MARCHF8: variants seen among roughly 807,000 people sequenced by gnomAD.
MARCHF8 encodes the protein membrane associated ring-CH-type finger 8.
Under a neutral mutation model 51.6 loss-of-function variants are expected in MARCHF8, and 40 were observed. The ratio of observed to expected loss-of-function variants is 0.77; its 90% CI spans 0.60 to 1.01. MARCHF8 has a LOEUF of 1.01. Among genes scored for constraint, MARCHF8 ranks in the 50% least tolerant of loss-of-function variants. The probability of loss-of-function intolerance (pLI) is 0.00; values close to 1 mark genes in which losing one functional copy is unlikely to be tolerated. For missense variants in MARCHF8, 685 were observed against 708.6 expected, an observed-to-expected ratio of 0.97 and a Z score of 0.38; for synonymous variants, 263 against 280.3, an observed-to-expected ratio of 0.94 and a Z score of 0.62.
intron 1 of MARCHF8, among the ~76,000 whole-genome samples, chr10:45,577,986 C>T (rs1373613552): frequency 6.6e-6 from 1 of 152,158 alleles, no homozygotes; most frequent in Non-Finnish European, 1.5e-5. Context: ...CATACCACTG[C>T]ATTCCAGCCT....
chr10:45,515,510 C>T (rs2043603098), intron 2 of MARCHF8, among the ~76,000 whole-genome samples: 1 of 152,288 alleles, frequency 6.6e-6, no homozygotes, highest in East Asian at 1.9e-4. Context: ...CTTCTTTTCA[C>T]CTATTTTATC....
rs1468021954 is a variant in MARCHF8, at chr10:45,457,400, C to T, written c.*839G>A. The stretch of plus-strand genomic sequence containing the variant: ...GAATCATGCTTTAATTGCCATTTAG[C>T]ATCCACTAATTCCCATGAGATCTGT... On this transcript the variant is annotated 3_prime_UTR_variant, in exon 8 of 8. Transcript: ENST00000453424. 3 of 152,208 alleles carry T rather than the reference C, an allele frequency of 2.0e-5. No individual in the cohort carries two copies. The highest frequency in any genetic ancestry group is 4.4e-5 in the Non-Finnish European group (3 of 68,032). The allele number at this position is 152,208 out of a possible 1,614,324, so 9.4% of individuals were successfully genotyped here.
At chr10:45,590,323 T>C in intron 1 of MARCHF8, among the ~76,000 whole-genome samples, 2 of 152,342 alleles carry the variant, frequency 1.3e-5, no homozygotes, top group Middle Eastern at 3.4e-3. Context: ...TTTTTATGAC[T>C]GAGGTATAAG....
intron 2 of MARCHF8, among the ~76,000 whole-genome samples, chr10:45,490,735 C>CT (rs1305426149): frequency 1.3e-5 from 2 of 152,144 alleles, no homozygotes; most frequent in African/African-American, 4.8e-5. Context: ...AAACTATTGC[C>CT]TAAGGAAGAG....
chr10:45,555,565 C>A (rs1166481357), intron 1 of MARCHF8, among the ~76,000 whole-genome samples: 1 of 151,768 alleles, frequency 6.6e-6, no homozygotes, highest in African/African-American at 2.4e-5. Flanking sequence ...CAGTGAGATC[C>A]CATCTCTCCA....
At chr10:45,473,562 T>C (rs2042733037) in intron 3 of MARCHF8, among the ~76,000 whole-genome samples, 1 of 152,206 alleles carries the variant, frequency 6.6e-6, no homozygotes, top group African/African-American at 2.4e-5. Context: ...ATTGTGTCTA[T>C]GTACTGCCCT....
intron 1 of MARCHF8, among the ~76,000 whole-genome samples, chr10:45,570,434 G>T (rs1459528856): frequency 2.6e-5 from 4 of 152,040 alleles, no homozygotes; most frequent in Admixed American, 2.0e-4. Flanking sequence ...TCCATTCCGG[G>T]TTAAAAAAAA....
chr10:45,541,475 A>C (rs999203018), intron 1 of MARCHF8, among the ~76,000 whole-genome samples: 1 of 152,144 alleles, frequency 6.6e-6, no homozygotes, highest in Admixed American at 6.6e-5. Context: ...ATGTAAATGA[A>C]GAGTTAATGG....
intron 1 of MARCHF8, among the ~76,000 whole-genome samples, chr10:45,568,707 G>A (rs2044393036): frequency 1.0e-5 from 1 of 98,130 alleles, no homozygotes; most frequent in South Asian, 4.1e-4. Flanking sequence ...GACAGAGCGA[G>A]ACTGTTTCAA....
chr10:45,463,267 C>A lies in MARCHF8; in HGVS notation c.972G>T (p.Arg324Ser). Residue 324 changes from arginine (R) to serine (S), a missense_variant, in exon 5 of 8, where the codon AGG becomes AGT. Coordinates refer to ENST00000453424, the MANE Select transcript of MARCHF8 (RefSeq NM_001282866.2). Reference protein sequence around the residue: ...EDSTSAKLKSRVLRAPLCSTE... With the variant: ...EDSTSAKLKSSVLRAPLCSTE... ...TGGAGCAGAGGGGCGCCCGCAGAAC[C>A]CTACTCTTCAGTTTTGCAGATGTGC... The A allele has an allele frequency of 6.4e-7, 1 of 1,550,956 alleles. No individual in the cohort carries two copies.
At position 45,458,215 on chromosome 10, in the gene MARCHF8, A is replaced by C; in HGVS notation, c.*24T>G. 6.3e-7 allele frequency: 1 copy of C among 1,584,644 alleles called. No individual in the cohort carries two copies. Among genetic ancestry groups the C allele is most frequent in the Non-Finnish European group, 8.6e-7 (1 of 1,166,858 alleles). ...TTCCTTCAGCTCTTCATGGATGTCCAGGAAAATGACAACCCGCACACAATC... is the reference window on the plus strand; with the variant it reads ...TTCCTTCAGCTCTTCATGGATGTCCCGGAAAATGACAACCCGCACACAATC... On this transcript the variant is annotated 3_prime_UTR_variant, in exon 8 of 8. Coordinates refer to ENST00000453424, the MANE Select transcript of MARCHF8 (RefSeq NM_001282866.2).
intron 1 of MARCHF8, among the ~76,000 whole-genome samples, chr10:45,565,549 G>A (rs2044355608): frequency 6.6e-6 from 1 of 151,610 alleles, no homozygotes; most frequent in African/African-American, 2.4e-5. Context: ...TTCTAAGTAG[G>A]CAAGGATAAG....
intron 2 of MARCHF8, among the ~76,000 whole-genome samples, chr10:45,509,825 G>C (rs145264433): frequency 6.6e-6 from 1 of 152,276 alleles, no homozygotes; most frequent in African/African-American, 2.4e-5. Context: ...CTGATATAGA[G>C]TTATTGGCAT....
intron 1 of MARCHF8, among the ~76,000 whole-genome samples, chr10:45,575,045 C>A (rs1188923446): frequency 2.0e-5 from 3 of 152,010 alleles, no homozygotes; most frequent in Admixed American, 6.6e-5. Context: ...CTTCTCAAAG[C>A]CGCTTTACTT....
intron 3 of MARCHF8, among the ~76,000 whole-genome samples, chr10:45,469,724 G>C (rs1053872010): frequency 1.3e-5 from 2 of 151,828 alleles, no homozygotes; most frequent in African/African-American, 2.4e-5. Flanking sequence ...AATTAGCCAG[G>C]CGTGGTGGCG....
chr10:45,541,424 G>A (rs7067803), intron 1 of MARCHF8, among the ~76,000 whole-genome samples: 4,331 of 152,210 alleles, frequency 0.028, 225 homozygotes, highest in African/African-American at 0.098. Context: ...CTGTTGCGGG[G>A]TGGGGGGCTA....
At position 45,463,873 on chromosome 10, in the gene MARCHF8, GT is replaced by G; in HGVS notation, c.365del (p.Asp122AlafsTer19). The G allele has an allele frequency of 6.5e-7, 1 of 1,538,328 alleles. No individual in the cohort carries two copies. Among genetic ancestry groups the G allele is most frequent in the East Asian group, 2.4e-5 (1 of 40,920 alleles). Reference sequence around the variant, plus strand: ...AATTTCTCTTTGACGCCTGTAATGTGTCCTTACAGATAACTGTCACAGTGAG... The same window carrying G: ...AATTTCTCTTTGACGCCTGTAATGTGCCTTACAGATAACTGTCACAGTGAG... ...QGLTVTVICK[D>X]TLQASKRNSF... On this transcript the variant is annotated frameshift_variant, in exon 5 of 8. Coordinates refer to ENST00000453424, the MANE Select transcript of MARCHF8 (RefSeq NM_001282866.2). LOFTEE classifies it high-confidence loss of function.
intron 1 of MARCHF8, among the ~76,000 whole-genome samples, chr10:45,540,526 A>C (rs2044037859): frequency 6.6e-6 from 1 of 152,252 alleles, no homozygotes; most frequent in South Asian, 2.1e-4. Context: ...TTCATGTCTA[A>C]AACACCAAAA....
chr10:45,459,847 C>G (rs1486257943), intron 6 of MARCHF8: 1 of 985,344 alleles, frequency 1.0e-6, no homozygotes, highest in Non-Finnish European at 1.2e-6. Flanking sequence ...CATTAATTTA[C>G]TCCAAATAGC....
Sources: gnomAD v4.1 joint callset for allele counts (sites outside exome capture counted in the v4.1 genomes callset) on GRCh38, gnomAD v4.1.1 for gene constraint, MANE v1.5 for transcripts, NCBI Gene and HGNC (gene_info 2026-07-23, HGNC 2026-07-21) for gene names.